EIF5B: variants seen among roughly 807,000 people sequenced by gnomAD.
EIF5B encodes eIF-5B.
EIF5B carries 47 observed loss-of-function variants against 147.5 expected under a neutral mutation model. That is an observed-to-expected ratio of 0.32 (90% confidence interval 0.25 to 0.41). EIF5B has a LOEUF of 0.41. EIF5B is among the 10% of genes least tolerant of loss of function. The pLI is 1.00. For synonymous variants in EIF5B, 455 were observed against 456.2 expected (o/e 1.00, Z 0.03); for missense variants, 1,064 against 1,413.2 (o/e 0.75, Z 3.96).
intron 1 of EIF5B, 69 bp downstream of exon 1, chr2:99,337,658 C>T: frequency 6.5e-7 from 1 of 1,528,216 alleles, no homozygotes; most frequent in South Asian, 1.2e-5. Flanking sequence ...TCTCGCCGGG[C>T]GCGGCGTCGG....
chr2:99,361,831 A>G lies in EIF5B; in HGVS notation c.919+11A>G. The G allele has an allele frequency of 2.6e-6, 4 of 1,512,284 alleles. No homozygotes were observed. Among genetic ancestry groups the G allele is most frequent in the Non-Finnish European group, 3.5e-6 (4 of 1,140,966 alleles). 93.7% of individuals were successfully genotyped at this position (1,512,284 alleles called of 1,614,324 possible). A position where few individuals can be genotyped will look rare whatever the true frequency, so the allele number is the denominator to read the frequency against. On this transcript the variant is annotated intron_variant, in intron 4 of 23. Transcript: ENST00000289371. ...CCACAGCTGCAGAAGGTTGGTTAAT[A>G]CTTTAGAGGAAAGAGCAAAAGGCTT...
intron 18 of EIF5B, 28 bp downstream of exon 18, chr2:99,393,126 TA>T: frequency 6.7e-7 from 1 of 1,483,226 alleles, no homozygotes. Flanking sequence ...TTTTTTTCCT[TA>T]AAAGCTATTT....
chr2:99,362,116 A>T (rs1157370072), intron 4 of EIF5B, among the ~76,000 whole-genome samples: 1 of 152,226 alleles, frequency 6.6e-6, no homozygotes, highest in Non-Finnish European at 1.5e-5. Context: ...TACTTAATGA[A>T]AAATTTATTC....
chr2:99,368,810 T>C (rs1472952126), intron 7 of EIF5B, among the ~76,000 whole-genome samples: 2 of 152,268 alleles, frequency 1.3e-5, no homozygotes, highest in Non-Finnish European at 2.9e-5. Context: ...GGTTCTACCC[T>C]ATGAATATTG....
At chr2:99,383,836 GGCTTCAAA>G (rs1331480113) in intron 14 of EIF5B, among the ~76,000 whole-genome samples, 4 of 148,910 alleles carry the variant, frequency 2.7e-5, no homozygotes, top group Non-Finnish European at 4.4e-5. Context: ...ATCACTGCCT[GGCTTCAAA>G]GCTTCAAAGG....
At chr2:99,345,611 A>ATT (rs59203969) in intron 1 of EIF5B, among the ~76,000 whole-genome samples, 1 of 135,488 alleles carries the variant, frequency 7.4e-6, no homozygotes, top group Non-Finnish European at 1.6e-5. Context: ...AAAAAAAAAA[A>ATT]GGAATGTCTA....
At chr2:99,348,151 G>A (rs1161280510) in intron 1 of EIF5B, among the ~76,000 whole-genome samples, 4 of 152,112 alleles carry the variant, frequency 2.6e-5, no homozygotes, top group Non-Finnish European at 2.9e-5. Context: ...GAAAATAAAG[G>A]GTTAGGCTGA....
intron 1 of EIF5B, among the ~76,000 whole-genome samples, chr2:99,341,242 G>T (rs2094258950): frequency 6.6e-6 from 1 of 152,104 alleles, no homozygotes; most frequent in South Asian, 2.1e-4. Context: ...TTTCTTACTT[G>T]CATATATTTG....
intron 1 of EIF5B, among the ~76,000 whole-genome samples, chr2:99,344,221 G>A (rs1559242373): frequency 6.6e-6 from 1 of 152,036 alleles, no homozygotes; most frequent in Non-Finnish European, 1.5e-5. Context: ...CACCCGGCCT[G>A]CATTCTTTTA....
At position 99,361,195 on chromosome 2, in the gene EIF5B, G is replaced by C. The variant is rs1674204246; in HGVS notation, c.294G>C (p.Lys98Asn). The C allele has an allele frequency of 6.4e-7, 1 of 1,560,376 alleles. No individual in the cohort carries two copies. The change falls in exon 4 of 24, where the codon AAG becomes AAC. Residue 98 changes from lysine to asparagine, a missense_variant. Coordinates refer to ENST00000289371, the MANE Select transcript of EIF5B (RefSeq NM_015904.4). The stretch of plus-strand genomic sequence containing the variant: ...AATTCACCTCAAAAGATAAAAAAAA[G>C]AAAGGACAGAAGGGCAAAAAACAGA... The part of the protein sequence containing the change: ...EEEFTSKDKK[K>N]KGQKGKKQSF...
At position 99,371,680 on chromosome 2, in the gene EIF5B, C is replaced by T. The variant is rs1368805130; in HGVS notation, c.1502C>T (p.Ala501Val). 8.1e-6 allele frequency: 13 copies of T among 1,612,254 alleles called. No individual in the cohort carries two copies. Among genetic ancestry groups the T allele is most frequent in the South Asian group, 1.1e-5 (1 of 90,754 alleles). The change falls in exon 9 of 24, where the codon GCT (alanine) becomes GTT (valine). Residue 501 changes from alanine to valine, a missense_variant. Ala to Val is a moderately conservative substitution (Grantham distance 64, BLOSUM62 0). Coordinates refer to ENST00000289371, the MANE Select transcript of EIF5B (RefSeq NM_015904.4). ...GAAGAAGAAGAAGATACTGAGGATG[C>T]TGGATTGGATGATTGGGAAGCTATG... Reference protein sequence around the residue: ...EPEEEEDTEDAGLDDWEAMAS... With the variant: ...EPEEEEDTEDVGLDDWEAMAS...
At chr2:99,374,288 TAAAA>T (rs33936603) in intron 9 of EIF5B, among the ~76,000 whole-genome samples, 5 of 108,742 alleles carry the variant, frequency 4.6e-5, no homozygotes, top group Admixed American at 9.8e-5. Context: ...GACTCTTACC[TAAAA>T]AAAAAAAAAA....
chr2:99,364,581 A>G (rs1165660236), intron 6 of EIF5B, among the ~76,000 whole-genome samples, 160 bp downstream of exon 6: 1 of 152,252 alleles, frequency 6.6e-6, no homozygotes, highest in Non-Finnish European at 1.5e-5. Flanking sequence ...ATGTCATTTC[A>G]TTGTTTAGGA....
At chr2:99,373,904 A>G (rs1230008510) in intron 9 of EIF5B, among the ~76,000 whole-genome samples, 3 of 152,092 alleles carry the variant, frequency 2.0e-5, no homozygotes, top group Non-Finnish European at 4.4e-5. Context: ...TTTAGCAAGT[A>G]CCTTTGAACT....
At chr2:99,387,186 G>A (rs1008384800) in intron 14 of EIF5B, among the ~76,000 whole-genome samples, 1 of 152,168 alleles carries the variant, frequency 6.6e-6, no homozygotes, top group South Asian at 2.1e-4. Flanking sequence ...GGGATTTCAG[G>A]CATGAGCCAC....
intron 1 of EIF5B, among the ~76,000 whole-genome samples, chr2:99,358,222 A>G (rs936047303): frequency 6.6e-6 from 1 of 152,064 alleles, no homozygotes; most frequent in African/African-American, 2.4e-5. Context: ...ATGCGCCACC[A>G]TGCCTGGCTA....
At chr2:99,368,820 G>A (rs1674380525) in intron 7 of EIF5B, among the ~76,000 whole-genome samples, 1 of 152,140 alleles carries the variant, frequency 6.6e-6, no homozygotes, top group Admixed American at 6.5e-5. Flanking sequence ...TATGAATATT[G>A]TAACTGTTGT....
At chr2:99,349,631 A>G (rs1673870623) in intron 1 of EIF5B, among the ~76,000 whole-genome samples, 1 of 152,220 alleles carries the variant, frequency 6.6e-6, no homozygotes, top group African/African-American at 2.4e-5. Context: ...ACAATAAAGA[A>G]ATACTGTTTT....
intron 1 of EIF5B, among the ~76,000 whole-genome samples, chr2:99,349,783 AAACACTTGTC>A (rs1428681377): frequency 1.3e-5 from 2 of 152,232 alleles, no homozygotes; most frequent in African/African-American, 4.8e-5. Flanking sequence ...CTATCACGTC[AAACACTTGTC>A]ATTTCTTTGT....
Sources: gnomAD v4.1 joint callset for allele counts (sites outside exome capture counted in the v4.1 genomes callset) on GRCh38, gnomAD v4.1.1 for gene constraint, MANE v1.5 for transcripts, NCBI Gene and HGNC (gene_info 2026-07-23, HGNC 2026-07-21) for gene names.